The following FGD4 variants were observed in gnomAD, a reference collection of about 807,000 sequenced individuals.
FGD4 encodes the protein FYVE, RhoGEF and PH domain-containing protein 4.
FGD4 carries 42 observed loss-of-function variants against 102.0 expected under a neutral mutation model. The observed-to-expected ratio is 0.41, with a 90% CI of 0.32 to 0.53. The LOEUF (loss-of-function observed/expected upper bound fraction) is 0.53, where lower values mean the gene tolerates loss of function less well. Ranked by LOEUF, FGD4 falls within the 20% of genes least tolerant of loss-of-function variation. FGD4 has a pLI of 0.21. For missense variants in FGD4, 902 were observed against 1,078.2 expected (o/e 0.84, Z 2.29); for synonymous variants, 380 against 375.7 (o/e 1.01, Z -0.13).
chr12:32,473,550 G>A (rs1259219027), intron 1 of FGD4, among the ~76,000 whole-genome samples: 1 of 151,886 alleles, frequency 6.6e-6, no homozygotes, highest in East Asian at 1.9e-4. Context: ...CATCAGAAGG[G>A]ACAGACTCCA....
At chr12:32,558,743 T>C (rs1355257705) in intron 1 of FGD4, among the ~76,000 whole-genome samples, 1 of 152,246 alleles carries the variant, frequency 6.6e-6, no homozygotes, top group African/African-American at 2.4e-5. Flanking sequence ...TAAGCCATAG[T>C]GGCAACCTCT....
chr12:32,640,352 A>G lies in FGD4; in HGVS notation c.2531A>G (p.His844Arg). The G allele has an allele frequency of 6.2e-7, 1 of 1,614,218 alleles. No homozygotes were observed. The change falls in exon 17 of 17, where the codon CAC becomes CGC. Residue 844 changes from histidine (H) to arginine (R), a missense_variant. Physicochemically the swap from His to Arg is conservative, Grantham distance 29. Around this residue, in one of 2 missense-constraint regions of FGD4, gnomAD observed 459 missense variants for 619.0 expected, o/e 0.74. Coordinates refer to ENST00000534526, the MANE Select transcript of FGD4 (RefSeq NM_001370298.3). ...ATGCCAAGGAGCGCAGACCTGCCAC[A>G]CAGTTTCAAACTGACCCAGTCTAAG... is the stretch of plus-strand genomic sequence containing the variant. ...DEMPRSADLP[H>R]SFKLTQSKSV...
At chr12:32,431,117 C>T (rs1942027832) in intron 1 of FGD4, among the ~76,000 whole-genome samples, 1 of 151,818 alleles carries the variant, frequency 6.6e-6, no homozygotes, top group African/African-American at 2.4e-5. Context: ...TTGGAGAGGT[C>T]GAAAAAAGGA....
At chr12:32,612,730 G>T (rs1243533269) in intron 10 of FGD4, among the ~76,000 whole-genome samples, 1 of 151,874 alleles carries the variant, frequency 6.6e-6, no homozygotes, top group Non-Finnish European at 1.5e-5. Context: ...AATCTTTCTA[G>T]GCTAAAAATA....
At chr12:32,570,240 C>CAA (rs150913094) in intron 2 of FGD4, among the ~76,000 whole-genome samples, 11,392 of 67,266 alleles carry the variant, frequency 0.17, 1,165 homozygotes, top group Non-Finnish European at 0.2. Context: ...GACGCTGTCT[C>CAA]AAAAAAAAAA....
At chr12:32,528,629 G>A (rs1941500012) in intron 1 of FGD4, among the ~76,000 whole-genome samples, 2 of 152,104 alleles carry the variant, frequency 1.3e-5, no homozygotes, top group Admixed American at 6.6e-5. Context: ...GACCTCAGGC[G>A]ATCTGCCTGT....
chr12:32,434,850 G>A (rs1316451128), intron 1 of FGD4, among the ~76,000 whole-genome samples: 1 of 152,134 alleles, frequency 6.6e-6, no homozygotes, highest in Non-Finnish European at 1.5e-5. Context: ...TGAGTCAGAG[G>A]ATTGAATAAG....
At chr12:32,439,680 C>G (rs181154405) in intron 1 of FGD4, among the ~76,000 whole-genome samples, 5 of 152,262 alleles carry the variant, frequency 3.3e-5, no homozygotes, top group Admixed American at 3.3e-4. Context: ...GCTTGGTGTT[C>G]TGTAACCTTT....
chr12:32,470,534 G>A (rs1591963442), intron 1 of FGD4, among the ~76,000 whole-genome samples: 2 of 148,524 alleles, frequency 1.3e-5, no homozygotes, highest in Admixed American at 1.4e-4. Flanking sequence ...CATGATCTTG[G>A]CTCATTGCTC....
intron 4 of FGD4, among the ~76,000 whole-genome samples, chr12:32,583,355 A>AT (rs1946767972): frequency 6.6e-6 from 1 of 152,154 alleles, no homozygotes; most frequent in Non-Finnish European, 1.5e-5. Flanking sequence ...AGGAAAAAAA[A>AT]ATCTTAGTTT....
chr12:32,603,448 C>T (rs1320423633), intron 7 of FGD4, among the ~76,000 whole-genome samples: 3 of 151,878 alleles, frequency 2.0e-5, no homozygotes, highest in Admixed American at 6.6e-5. Flanking sequence ...AGTGCAGTGG[C>T]GTGATCTAGG....
intron 1 of FGD4, chr12:32,511,970 CT>C (rs1279228388): frequency 4.6e-5 from 7 of 151,950 alleles, no homozygotes; most frequent in African/African-American, 1.2e-4. Flanking sequence ...ATTCTTCCCC[CT>C]ATTTAAAAAA....
At chr12:32,519,214 A>G (rs1035805035) in intron 1 of FGD4, among the ~76,000 whole-genome samples, 6 of 151,978 alleles carry the variant, frequency 3.9e-5, no homozygotes, top group African/African-American at 1.2e-4. Flanking sequence ...TCTGTCAGTA[A>G]ATATTTAGCA....
intron 4 of FGD4, among the ~76,000 whole-genome samples, chr12:32,593,593 A>T (rs1400866183): frequency 6.6e-6 from 1 of 152,240 alleles, no homozygotes; most frequent in Admixed American, 6.5e-5. Context: ...CTTTGCAGTC[A>T]GCAAAGATTA....
chr12:32,577,644 TA>T (rs1946236011), intron 3 of FGD4, among the ~76,000 whole-genome samples: 2 of 152,254 alleles, frequency 1.3e-5, no homozygotes, highest in African/African-American at 4.8e-5. Context: ...ACTTTGGTCA[TA>T]AATATTTCAA....
At chr12:32,446,684 C>A (rs766565385) in intron 1 of FGD4, among the ~76,000 whole-genome samples, 31 of 152,144 alleles carry the variant, frequency 2.0e-4, no homozygotes, top group Non-Finnish European at 2.9e-4. Flanking sequence ...TGCCAGCGTG[C>A]CATATTTTGG....
intron 1 of FGD4, among the ~76,000 whole-genome samples, chr12:32,473,858 C>T (rs1013848601): frequency 8.6e-5 from 13 of 151,920 alleles, no homozygotes; most frequent in African/African-American, 1.5e-4. Flanking sequence ...GAGGCTGAGG[C>T]GGGCAGATAA....
At chr12:32,509,978 TG>T (rs1432107318) in intron 1 of FGD4, among the ~76,000 whole-genome samples, 1 of 152,216 alleles carries the variant, frequency 6.6e-6, no homozygotes, top group African/African-American at 2.4e-5. Flanking sequence ...GAGACTCCAA[TG>T]GGCTAAGCTT....
intron 1 of FGD4, among the ~76,000 whole-genome samples, chr12:32,453,189 T>TTA (rs1338336775): frequency 9.5e-5 from 9 of 94,390 alleles, no homozygotes; most frequent in African/African-American, 1.3e-4. Flanking sequence ...TATATATATT[T>TTA]TATATATATA....
Sources: gnomAD v4.1 joint callset for allele counts (sites outside exome capture counted in the v4.1 genomes callset) on GRCh38, gnomAD v4.1.1 for gene constraint, gnomAD v4.1.1 regional missense constraint, MANE v1.5 for transcripts, NCBI Gene and HGNC (gene_info 2026-07-23, HGNC 2026-07-21) for gene names.